Variants in MARCO observed in about 807,000 individuals in gnomAD.
The protein encoded by MARCO is macrophage receptor with collagenous structure.
A neutral mutation model predicts 70.0 loss-of-function variants in MARCO; 72 were observed. The observed-to-expected ratio is 1.03, with a 90% CI of 0.85 to 1.25. The LOEUF (loss-of-function observed/expected upper bound fraction) is 1.25. MARCO is among the 50% of genes most tolerant of loss of function. The pLI is 0.00. For missense variants in MARCO, 696 were observed against 659.3 expected (o/e 1.06, Z -0.61); for synonymous variants, 273 against 243.1 (o/e 1.12, Z -1.14).
chr2:118,956,412 T>TACTTCAATACTCCACTGACAGCACAGGA (rs1553461119), intron 1 of MARCO, among the ~76,000 whole-genome samples: 16 of 144,282 alleles, frequency 1.1e-4, no homozygotes, highest in South Asian at 4.7e-4. Flanking sequence ...CATTATGTAA[T>TACTTCAATACTCCACTGACAGCACAGGA]GGTAAAAGTC....
At position 118,974,531 on chromosome 2, in the gene MARCO, A is replaced by AC. The variant is rs766119243; in HGVS notation, c.583dup (p.Gln195ProfsTer52). ...CCCTTTCCCTTCCAGGCCCCTCGGG[A>AC]CCCCAAGGCCCACCGGGAGTCAAGG... On this transcript the variant is annotated frameshift_variant, in exon 6 of 17. Coordinates refer to ENST00000327097, the MANE Select transcript of MARCO (RefSeq NM_006770.4). LOFTEE classifies it high-confidence loss of function. 68 of 1,613,338 alleles carry AC rather than the reference A, an allele frequency of 4.2e-5. No individual in the cohort carries two copies. Among genetic ancestry groups the AC allele is most frequent in the Non-Finnish European group, 5.7e-5 (67 of 1,179,856 alleles).
chr2:118,981,594 A>AG, intron 9 of MARCO, 27 bp from the exon 10 acceptor site: 1 of 1,610,336 alleles, frequency 6.2e-7, no homozygotes, highest in Non-Finnish European at 8.5e-7. Context: ...GGAAAAAAAA[A>AG]TTCCTAAAAG....
At chr2:118,971,421 A>T in intron 3 of MARCO, 78 bp from the exon 4 acceptor site, 1 of 1,426,916 alleles carries the variant, frequency 7.0e-7, no homozygotes, top group Non-Finnish European at 9.9e-7. Flanking sequence ...CCCACTGCAG[A>T]ACCTGGGCAC....
chr2:118,967,414 C>A (rs192308709), intron 1 of MARCO, among the ~76,000 whole-genome samples: 2 of 152,094 alleles, frequency 1.3e-5, no homozygotes, highest in Non-Finnish European at 2.9e-5. Flanking sequence ...GGAGAGCTGG[C>A]CAGACGGGCT....
At chr2:118,982,056 G>T in intron 10 of MARCO, 100 bp from the exon 11 acceptor site, 1 of 750,134 alleles carries the variant, frequency 1.3e-6, no homozygotes. Context: ...AAGGTGTTAA[G>T]AGGTACATGT....
At chr2:118,967,064 G>A (rs1680066061) in intron 1 of MARCO, among the ~76,000 whole-genome samples, 1 of 152,218 alleles carries the variant, frequency 6.6e-6, no homozygotes, top group Admixed American at 6.5e-5. Context: ...CCACGTTGGT[G>A]CTGGAATACA....
At chr2:118,951,181 C>A (rs1398529155) in intron 1 of MARCO, among the ~76,000 whole-genome samples, 1 of 152,194 alleles carries the variant, frequency 6.6e-6, no homozygotes, top group African/African-American at 2.4e-5. Flanking sequence ...GTGTCCTTTT[C>A]TCTCAATCAC....
chr2:118,980,809 G>A (rs1486342552), intron 8 of MARCO, among the ~76,000 whole-genome samples: 1 of 152,106 alleles, frequency 6.6e-6, no homozygotes, highest in African/African-American at 2.4e-5. Context: ...CCCCAGTGAG[G>A]AGCCTCTGTC....
At chr2:118,967,613 C>G (rs149086301) in intron 1 of MARCO, among the ~76,000 whole-genome samples, 38 of 152,222 alleles carry the variant, frequency 2.5e-4, no homozygotes, top group South Asian at 8.3e-4. Context: ...GCTAAACAAC[C>G]AACCCACCAA....
At chr2:118,965,636 T>C (rs11888710) in intron 1 of MARCO, among the ~76,000 whole-genome samples, 8,290 of 152,252 alleles carry the variant, frequency 0.054, 707 homozygotes, top group African/African-American at 0.19. Flanking sequence ...ATGGATGTTT[T>C]GTATAGTATG....
In MARCO at chr2:118,993,477, A is replaced by G. The variant is rs183740199; in HGVS notation, c.1429+177A>G. On this transcript the variant is annotated intron_variant, in intron 16 of 16. Coordinates refer to ENST00000327097, the MANE Select transcript of MARCO (RefSeq NM_006770.4). The stretch of plus-strand genomic sequence containing the variant: ...AGGTATGCATCCTTCCAGCTTGGCA[A>G]CCCCAGCAGAAAGATGGCCTGTCTT... Among the ~76,000 whole-genome samples, 34 of 152,148 alleles carry G rather than the reference A, an allele frequency of 2.2e-4. 1 individual carries two copies. In the East Asian group the frequency reaches 5.4e-3, roughly 24 times the overall value.
At chr2:118,959,728 A>ATCAACCCAAACGT (rs1328669879) in intron 1 of MARCO, among the ~76,000 whole-genome samples, 1 of 152,164 alleles carries the variant, frequency 6.6e-6, no homozygotes, top group Non-Finnish European at 1.5e-5. Flanking sequence ...AAATCATGGA[A>ATCAACCCAAACGT]CCCCAACAAG....
chr2:118,948,047 T>A (rs1157520111), intron 1 of MARCO, among the ~76,000 whole-genome samples: 2 of 152,240 alleles, frequency 1.3e-5, no homozygotes, highest in African/African-American at 4.8e-5. Flanking sequence ...CTGTACATGT[T>A]TTATTAGATT....
At chr2:118,949,941 A>G (rs930450961) in intron 1 of MARCO, 2 of 152,222 alleles carry the variant, frequency 1.3e-5, no homozygotes, top group Admixed American at 6.5e-5. Flanking sequence ...TCAAGGGAAG[A>G]GAAGGTGGAG....
Position 118,990,569 on chromosome 2 carries a change from C to CGGGGGGGGGGGTGG in MARCO, c.1064-20_1064-19insGGGGGGGGGGGTGG. The CGGGGGGGGGGGTGG allele has an allele frequency of 7.1e-7, 1 of 1,415,986 alleles. No individual in the cohort carries two copies. Among genetic ancestry groups the CGGGGGGGGGGGTGG allele is most frequent in the Non-Finnish European group, 9.7e-7 (1 of 1,028,340 alleles). 87.7% of individuals were successfully genotyped at this position (1,415,986 alleles called of 1,614,324 possible). A position where few individuals can be genotyped will look rare whatever the true frequency, so the allele number is the denominator to read the frequency against. ...AGTTTTATTATCTCCTCCCCCCCCC[C>CGGGGGGGGGGGTGG]TTTTTTGTTTTGATCTTAGGACTTC... On this transcript the variant is annotated intron_variant, in intron 12 of 16. Coordinates refer to ENST00000327097, the MANE Select transcript of MARCO (RefSeq NM_006770.4).
At chr2:118,950,827 A>G (rs978732572) in intron 1 of MARCO, among the ~76,000 whole-genome samples, 7 of 151,938 alleles carry the variant, frequency 4.6e-5, no homozygotes, top group African/African-American at 1.2e-4. Flanking sequence ...GATGATAGCC[A>G]TTCTTTTCCA....
In MARCO at chr2:118,986,664, GGAAGGAAGGAAAGAAAGAAAGAAA is replaced by G. The variant is rs1332378339; in HGVS notation, c.1064-3921_1064-3898del. Among the ~76,000 whole-genome samples the G allele has an allele frequency of 7.1e-4, 25 of 35,374 alleles. 1 individual carries two copies. The highest frequency in any genetic ancestry group is 0.016 in the Middle Eastern group (1 of 62). The allele number at this position is 35,374 out of a possible 152,430, so 23.2% of individuals were successfully genotyped here. On this transcript the variant is annotated intron_variant, in intron 12 of 16. Coordinates refer to ENST00000327097, the MANE Select transcript of MARCO (RefSeq NM_006770.4). ...AAGAAAGAAAGAAAGAAGGAAGGAAGGAAGGAAGGAAAGAAAGAAAGAAAGAAAGAAAGAAAGAAAGAAAGAAAG... is the reference window on the plus strand; with the variant it reads ...AAGAAAGAAAGAAAGAAGGAAGGAAGGAAAGAAAGAAAGAAAGAAAGAAAG...
At chr2:118,965,492 C>G (rs1488298856) in intron 1 of MARCO, among the ~76,000 whole-genome samples, 1 of 152,158 alleles carries the variant, frequency 6.6e-6, no homozygotes, top group Non-Finnish European at 1.5e-5. Flanking sequence ...CATTTTGTTA[C>G]AGCTGCTTTA....
chr2:118,981,711 T>G, intron 10 of MARCO, 55 bp downstream of exon 10: 1 of 1,528,146 alleles, frequency 6.5e-7, no homozygotes, highest in South Asian at 1.1e-5. Flanking sequence ...CCTGGCAGAG[T>G]GAAGCTGGGG....
Sources: allele counts gnomAD v4.1 joint callset (sites outside exome capture counted in the v4.1 genomes callset), GRCh38; gene constraint gnomAD v4.1.1; transcripts MANE v1.5; gene names NCBI Gene and HGNC (gene_info 2026-07-23, HGNC 2026-07-21).